CFAP74: variants seen among roughly 807,000 people sequenced by gnomAD.
CFAP74 encodes the protein cilia and flagella associated protein 74, also known as cilia- and flagella-associated protein 74.
A neutral mutation model predicts 188.9 loss-of-function variants in CFAP74; 124 were observed. The ratio of observed to expected loss-of-function variants is 0.66; its 90% CI spans 0.57 to 0.76. CFAP74 has a LOEUF of 0.76. Among genes scored for constraint, CFAP74 ranks in the 30% least tolerant of loss-of-function variants. The pLI is 0.00. For synonymous variants in CFAP74, 956 were observed against 916.7 expected (o/e 1.04, Z -0.77); for missense variants, 2,198 against 2,165.2 (o/e 1.02, Z -0.30).
intron 23 of CFAP74, 125 bp from the exon 24 acceptor site, chr1:1,939,892 G>C: frequency 1.1e-6 from 1 of 939,774 alleles, no homozygotes; most frequent in Non-Finnish European, 1.6e-6. Context: ...AGGACACGAC[G>C]AGGCCGTCTC....
chr1:1,963,819 T>C lies in CFAP74; in HGVS notation c.1624A>G (p.Thr542Ala). Residue 542 changes from threonine (T) to alanine (A), a missense_variant, in exon 14 of 39, where the codon ACC becomes GCC. Physicochemically the swap from Thr to Ala is moderately conservative, Grantham distance 58 (BLOSUM62 0). Coordinates refer to ENST00000682832, the MANE Select transcript of CFAP74 (RefSeq NM_001304360.2). ...VYKKKITLVN[T>A]TYTINYCKLV... ...TTGCAGTAGTTGATCGTGTAGGTGG[T>C]GTTTACCAACGTGATCTTTTTCTTG... 1 of 1,613,914 alleles carries C rather than the reference T, an allele frequency of 6.2e-7. No individual in the cohort carries two copies. Among genetic ancestry groups the C allele is most frequent in the South Asian group, 1.1e-5 (1 of 91,040 alleles).
At position 1,991,095 on chromosome 1, in the gene CFAP74, TGCA is replaced by T. The variant is rs547734358; in HGVS notation, c.-19-123_-19-121del. ...AAACGACAGATTAGGAAAAAATATT[TGCA>T]GCACACACATATCTGACACAAGTCT... On this transcript the variant is annotated intron_variant, in intron 1 of 38. Coordinates refer to ENST00000682832, the MANE Select transcript of CFAP74 (RefSeq NM_001304360.2). The T allele has an allele frequency of 8.8e-4, 571 of 646,828 alleles. 3 individuals are homozygous for T. In the African/African-American group the frequency reaches 9.6e-3, roughly 11 times the overall value. 40.1% of individuals were successfully genotyped at this position (646,828 alleles called of 1,614,324 possible). A position where few individuals can be genotyped will look rare whatever the true frequency, so the allele number is the denominator to read the frequency against.
At chr1:1,979,968 C>G (rs1230556578) in intron 6 of CFAP74, among the ~76,000 whole-genome samples, 1 of 151,646 alleles carries the variant, frequency 6.6e-6, no homozygotes, top group Non-Finnish European at 1.5e-5. Context: ...TGCCTCCCAC[C>G]ACCGAAGCAG....
chr1:1,989,010 G>T, intron 2 of CFAP74, 37 bp from the exon 3 acceptor site: 1 of 922,346 alleles, frequency 1.1e-6, no homozygotes. Context: ...AAAAAAAAAA[G>T]CAGATCAAAC....
At chr1:1,969,566 C>T (rs532200900) in intron 10 of CFAP74, among the ~76,000 whole-genome samples, 17 of 152,174 alleles carry the variant, frequency 1.1e-4, no homozygotes, top group African/African-American at 1.7e-4. Flanking sequence ...TCTAGGCTGG[C>T]GTGGGGCTGC....
At position 1,938,974 on chromosome 1, in the gene CFAP74, T is replaced by C. The variant is rs112996194; in HGVS notation, c.2892A>G (p.Gln964=). ...GGATCGTCCCAAACCCATCGTTGGG[T>C]TGGACGTCCACAAACTGGAAATAGA... The part of the protein sequence containing the change: ...FVRLPKFVDV[Q]PNDGFGTILP... The change falls in exon 25 of 39, where the codon CAA becomes CAG. Residue 964 remains glutamine (Q), a synonymous_variant. Coordinates refer to ENST00000682832, the MANE Select transcript of CFAP74 (RefSeq NM_001304360.2). 4.4e-4 allele frequency: 673 copies of C among 1,535,932 alleles called. 3 individuals are homozygous for C. The African/African-American group carries it at 7.5e-3, about 17-fold the overall frequency.
chr1:1,965,088 G>T, intron 12 of CFAP74, 27 bp from the exon 13 acceptor site: 1 of 1,599,052 alleles, frequency 6.3e-7, no homozygotes, highest in Non-Finnish European at 8.5e-7. Flanking sequence ...CAGAGGCTGG[G>T]GCTGTTAGCG....
chr1:1,993,617 T>C (rs1657724176), intron 1 of CFAP74, among the ~76,000 whole-genome samples: 1 of 151,040 alleles, frequency 6.6e-6, no homozygotes, highest in Admixed American at 6.7e-5. Flanking sequence ...CTTAAATATG[T>C]GATTGGTTTT....
In CFAP74 at chr1:1,944,315, A is replaced by G. The variant is rs1653599934; in HGVS notation, c.2486+16T>C. 2 of 1,533,158 alleles carry G rather than the reference A, an allele frequency of 1.3e-6. No individual in the cohort carries two copies. Among genetic ancestry groups the G allele is most frequent in the African/African-American group, 1.4e-5 (1 of 72,784 alleles). 95.0% of individuals were successfully genotyped at this position (1,533,158 alleles called of 1,614,324 possible). A position where few individuals can be genotyped will look rare whatever the true frequency, so the allele number is the denominator to read the frequency against. On this transcript the variant is annotated intron_variant, in intron 21 of 38. Transcript: ENST00000682832. Reference sequence around the variant, plus strand: ...TGCGTGGGTCACCCCGTGTGCATGGACAGGAGGGGGCTCACCGCGTGTGCA... The same window carrying G: ...TGCGTGGGTCACCCCGTGTGCATGGGCAGGAGGGGGCTCACCGCGTGTGCA...
At chr1:1,972,177 C>T (rs1656132159) in intron 8 of CFAP74, 95 bp from the exon 9 acceptor site, 3 of 896,756 alleles carry the variant, frequency 3.3e-6, no homozygotes, top group African/African-American at 1.6e-5. Flanking sequence ...ACCTCCCAGG[C>T]TCAAGTGATC....
chr1:1,923,440 C>T lies in CFAP74; in HGVS notation c.4449G>A (p.Glu1483=). The T allele has an allele frequency of 6.2e-7, 1 of 1,610,096 alleles. No individual in the cohort carries two copies. The highest frequency in any genetic ancestry group is 8.5e-7 in the Non-Finnish European group (1 of 1,178,968). ...GAACQHMMFV[E]GGDPLDVPVE... is the part of the protein sequence containing the mutation. ...CGGGCACGTCCAGGGGGTCGCCGCC[C>T]TCCACGAACATCATGTGCTGACAGG... The change falls in exon 36 of 39, where the codon GAG becomes GAA. Residue 1483 remains glutamate (E), a synonymous_variant. Coordinates refer to ENST00000682832, the MANE Select transcript of CFAP74 (RefSeq NM_001304360.2). This position sits in a 1 kb window ranked among gnomAD's most constrained non-coding sequence, Gnocchi z 6.3.
intron 17 of CFAP74, 83 bp downstream of exon 17, chr1:1,956,537 T>A: frequency 1.9e-6 from 3 of 1,542,386 alleles, no homozygotes; most frequent in Non-Finnish European, 1.8e-6. Context: ...GATACCCTCA[T>A]GTTGTCACCT....
chr1:1,945,453 A>G (rs1016344819), intron 20 of CFAP74, among the ~76,000 whole-genome samples: 10 of 152,210 alleles, frequency 6.6e-5, no homozygotes, highest in Admixed American at 6.5e-5. Context: ...CGAGGATGCC[A>G]GGAGCCTCAA....
chr1:1,982,733 G>A (rs933998447), intron 6 of CFAP74, among the ~76,000 whole-genome samples: 3 of 152,222 alleles, frequency 2.0e-5, no homozygotes, highest in Admixed American at 6.5e-5. Flanking sequence ...GCTCGGGGCC[G>A]CCTGCGGGTA....
rs1651928628 is a variant in CFAP74, at chr1:1,926,687, C to G, written c.3737G>C (p.Gly1246Ala). The G allele has an allele frequency of 6.5e-7, 1 of 1,550,044 alleles. No individual in the cohort carries two copies. Among genetic ancestry groups the G allele is most frequent in the African/African-American group, 1.4e-5 (1 of 73,020 alleles). The change falls in exon 30 of 39, where the codon GGC becomes GCC. Residue 1246 changes from glycine to alanine, a missense_variant. Gly to Ala is a moderately conservative substitution (Grantham distance 60, BLOSUM62 0). Coordinates refer to ENST00000682832, the MANE Select transcript of CFAP74 (RefSeq NM_001304360.2). ...APSVVVTSHK[G>A]KTIFNFGDVA... ...GTCGCCGAAGTTAAAGATGGTCTTGCCTTTATGGGACGTCACCACAACAGA... is the reference window on the plus strand; with the variant it reads ...GTCGCCGAAGTTAAAGATGGTCTTGGCTTTATGGGACGTCACCACAACAGA...
chr1:1,930,047 G>A lies in CFAP74; in HGVS notation c.3288+13C>T, dbSNP rs777552522. On this transcript the variant is annotated intron_variant, in intron 26 of 38. Transcript: ENST00000682832. ...CTCCTGCTTCCCAGCCTGCATGTGGGGCCCACACCCACCTTTCCTGGCCAC... is the reference window on the plus strand; with the variant it reads ...CTCCTGCTTCCCAGCCTGCATGTGGAGCCCACACCCACCTTTCCTGGCCAC... 1.4e-4 allele frequency: 211 copies of A among 1,500,284 alleles called. 2 individuals are homozygous for A. The South Asian group carries it at 2.5e-3, about 18-fold the overall frequency. The allele number at this position is 1,500,284 out of a possible 1,614,324, so 92.9% of individuals were successfully genotyped here.
chr1:1,978,636 G>A (rs1656599259), intron 6 of CFAP74, among the ~76,000 whole-genome samples: 1 of 152,142 alleles, frequency 6.6e-6, no homozygotes, highest in South Asian at 2.1e-4. Flanking sequence ...GCGAGGACAT[G>A]GATTCTCCTC....
intron 12 of CFAP74, among the ~76,000 whole-genome samples, chr1:1,965,452 G>A (rs2102070703): frequency 6.6e-6 from 1 of 152,300 alleles, no homozygotes; most frequent in East Asian, 1.9e-4. Context: ...TCTCGAGCGG[G>A]CAGTGTCAGC....
intron 27 of CFAP74, 198 bp from the exon 28 acceptor site, chr1:1,927,944 A>C: frequency 1.7e-6 from 1 of 598,248 alleles, no homozygotes; most frequent in Non-Finnish European, 2.9e-6. Context: ...AGAGCTGCTC[A>C]CAGACTGTGG....
Sources: gnomAD v4.1 joint callset for allele counts (sites outside exome capture counted in the v4.1 genomes callset) on GRCh38, gnomAD v4.1.1 for gene constraint, Gnocchi (gnomAD v3.1) non-coding constraint, MANE v1.5 for transcripts, NCBI Gene and HGNC (gene_info 2026-07-23, HGNC 2026-07-21) for gene names.